The following FAM210A variants were observed in gnomAD, a reference collection of about 807,000 sequenced individuals.
The protein encoded by FAM210A is family with sequence similarity 210 member A.
FAM210A carries 13 observed loss-of-function variants against 25.3 expected under a neutral mutation model. The observed-to-expected ratio is 0.51, with a 90% CI of 0.33 to 0.82. The LOEUF (loss-of-function observed/expected upper bound fraction) is 0.82, where lower values mean the gene tolerates loss of function less well. Ranked by LOEUF, FAM210A falls within the 40% of genes least tolerant of loss-of-function variation. The pLI, the probability that FAM210A is intolerant of heterozygous loss-of-function variation, is 0.02. For missense variants in FAM210A, 319 were observed against 323.2 expected (o/e 0.99, Z 0.10); for synonymous variants, 125 against 118.7 (o/e 1.05, Z -0.35).
At chr18:13,686,280 C>T (rs1213946971) in intron 1 of FAM210A, among the ~76,000 whole-genome samples, 1 of 152,168 alleles carries the variant, frequency 6.6e-6, no homozygotes, top group Non-Finnish European at 1.5e-5. Flanking sequence ...TCACGCCCCA[C>T]CTCCCCTCAC....
intron 1 of FAM210A, among the ~76,000 whole-genome samples, chr18:13,708,974 T>A (rs1032991357): frequency 6.6e-6 from 1 of 152,216 alleles, no homozygotes; most frequent in Non-Finnish European, 1.5e-5. Flanking sequence ...CACATCTCAA[T>A]AACTAATCAC....
At position 13,663,733 on chromosome 18, in the gene FAM210A, T is replaced by C. The variant is rs960995948; in HGVS notation, c.*2747A>G. 1 of 152,132 alleles carries C rather than the reference T, an allele frequency of 6.6e-6. No individual in the cohort carries two copies. The highest frequency in any genetic ancestry group is 6.6e-5 in the Admixed American group (1 of 15,260). 9.4% of individuals were successfully genotyped at this position (152,132 alleles called of 1,614,324 possible). On this transcript the variant is annotated 3_prime_UTR_variant, in exon 4 of 4. Coordinates refer to ENST00000651643, the MANE Select transcript of FAM210A (RefSeq NM_152352.4). ...CAGCAGGCTGAGGTGGGAGGATCACTTGAGCCAGGAGTTCAAGACGCAAGT... is the reference window on the plus strand; with the variant it reads ...CAGCAGGCTGAGGTGGGAGGATCACCTGAGCCAGGAGTTCAAGACGCAAGT...
At chr18:13,706,396 A>G (rs2043778469) in intron 1 of FAM210A, among the ~76,000 whole-genome samples, 1 of 151,480 alleles carries the variant, frequency 6.6e-6, no homozygotes, top group Non-Finnish European at 1.5e-5. Flanking sequence ...GTATACTTTT[A>G]TTTGAAAATG....
intron 1 of FAM210A, chr18:13,687,668 T>C (rs890121040): frequency 6.6e-6 from 1 of 152,166 alleles, no homozygotes; most frequent in African/African-American, 2.4e-5. Flanking sequence ...AGGAGAATCA[T>C]GGGAAAAGTG....
chr18:13,690,997 A>T (rs2043639324), intron 1 of FAM210A, among the ~76,000 whole-genome samples: 1 of 152,220 alleles, frequency 6.6e-6, no homozygotes, highest in Non-Finnish European at 1.5e-5. Flanking sequence ...CAAAGAAGCT[A>T]AAAACCTTGA....
intron 1 of FAM210A, among the ~76,000 whole-genome samples, chr18:13,683,806 T>TAA (rs2043574913): frequency 6.6e-6 from 1 of 152,158 alleles, no homozygotes. Context: ...GACAGTGAGA[T>TAA]CTGAATTAGC....
intron 1 of FAM210A, among the ~76,000 whole-genome samples, chr18:13,717,114 T>C (rs1003460091): frequency 2.6e-5 from 4 of 152,216 alleles, no homozygotes; most frequent in Non-Finnish European, 5.9e-5. Flanking sequence ...CTGGGGTGGA[T>C]AGAGAGCATC....
At chr18:13,669,938 T>A (rs1026375800) in intron 3 of FAM210A, among the ~76,000 whole-genome samples, 2 of 152,150 alleles carry the variant, frequency 1.3e-5, no homozygotes, top group Non-Finnish European at 2.9e-5. Context: ...TTTGAGAAAC[T>A]GGGGGTTACA....
intron 2 of FAM210A, among the ~76,000 whole-genome samples, chr18:13,676,452 T>C (rs1415673310): frequency 4.7e-5 from 7 of 149,744 alleles, no homozygotes; most frequent in Non-Finnish European, 9.0e-5. Flanking sequence ...CTGACCTCTT[T>C]ATTTCCAGTT....
intron 1 of FAM210A, among the ~76,000 whole-genome samples, chr18:13,704,349 T>C (rs987384413): frequency 1.3e-5 from 2 of 152,284 alleles, no homozygotes; most frequent in Non-Finnish European, 2.9e-5. Context: ...TGTGAACATA[T>C]TGACTAAACT....
chr18:13,705,758 C>A (rs1031748780), intron 1 of FAM210A, among the ~76,000 whole-genome samples: 1 of 152,210 alleles, frequency 6.6e-6, no homozygotes, highest in Non-Finnish European at 1.5e-5. Flanking sequence ...AGGCATGAGA[C>A]ACTGTGCCCA....
chr18:13,678,321 A>C (rs186224484), intron 2 of FAM210A, among the ~76,000 whole-genome samples: 14 of 151,918 alleles, frequency 9.2e-5, no homozygotes, highest in Admixed American at 8.5e-4. Flanking sequence ...TCCAGGCTGG[A>C]GTGCAATGGT....
At chr18:13,695,415 GTATGTT>G (rs1225196883) in intron 1 of FAM210A, among the ~76,000 whole-genome samples, 1 of 152,166 alleles carries the variant, frequency 6.6e-6, no homozygotes, top group African/African-American at 2.4e-5. Context: ...ACATGCACAC[GTATGTT>G]TATTGTGGCG....
intron 2 of FAM210A, among the ~76,000 whole-genome samples, chr18:13,680,682 G>GA (rs1298535253): frequency 6.6e-6 from 1 of 152,140 alleles, no homozygotes; most frequent in Non-Finnish European, 1.5e-5. Flanking sequence ...ATCAAGCACT[G>GA]AAAACCACTC....
At chr18:13,716,094 TTACAA>T (rs1222239727) in intron 1 of FAM210A, among the ~76,000 whole-genome samples, 1 of 152,238 alleles carries the variant, frequency 6.6e-6, no homozygotes, top group Non-Finnish European at 1.5e-5. Flanking sequence ...TTACTTTAAG[TTACAA>T]TACAATAGTA....
chr18:13,680,285 T>C (rs2043541261), intron 2 of FAM210A, among the ~76,000 whole-genome samples: 1 of 152,256 alleles, frequency 6.6e-6, no homozygotes, highest in African/African-American at 2.4e-5. Flanking sequence ...CTTCTATAAA[T>C]ATTAATCATG....
intron 2 of FAM210A, among the ~76,000 whole-genome samples, chr18:13,675,234 G>C (rs112806758): frequency 0.11 from 2,275 of 20,926 alleles, no homozygotes; most frequent in Middle Eastern, 0.27. Flanking sequence ...CCTGTTTCCT[G>C]ATTATTAACA....
chr18:13,678,359 C>T (rs111584786), intron 2 of FAM210A, among the ~76,000 whole-genome samples: 1,963 of 149,496 alleles, frequency 0.013, 7 homozygotes, highest in Middle Eastern at 0.035. Flanking sequence ...CAACCTCTGC[C>T]TCCTGGGTTC....
At chr18:13,707,820 C>T (rs542165032) in intron 1 of FAM210A, among the ~76,000 whole-genome samples, 27 of 152,326 alleles carry the variant, frequency 1.8e-4, no homozygotes, top group Admixed American at 5.9e-4. Flanking sequence ...GCTCAGTGTT[C>T]AAATAAGGCA....
Sources: allele counts gnomAD v4.1 joint callset (sites outside exome capture counted in the v4.1 genomes callset), GRCh38; gene constraint gnomAD v4.1.1; transcripts MANE v1.5; gene names NCBI Gene and HGNC (gene_info 2026-07-23, HGNC 2026-07-21).